The following DEF8 variants were observed in gnomAD, a reference collection of about 807,000 sequenced individuals.
DEF8 encodes the protein differentially expressed in FDCP 8 homolog.
Under a neutral mutation model 59.1 loss-of-function variants are expected in DEF8, and 38 were observed. The ratio of observed to expected loss-of-function variants is 0.64; its 90% confidence interval spans 0.50 to 0.84. The LOEUF (loss-of-function observed/expected upper bound fraction) is 0.84, where lower values mean the gene tolerates loss of function less well. Ranked by LOEUF, DEF8 falls within the 40% of genes least tolerant of loss-of-function variation. The pLI is 0.00. For missense variants in DEF8, 557 were observed against 615.2 expected (o/e 0.91, Z 1.00); for synonymous variants, 265 against 250.1 (o/e 1.06, Z -0.56).
At chr16:89,961,640 C>G in intron 7 of DEF8, 97 bp from the exon 8 acceptor site, 2 of 1,487,882 alleles carry the variant, frequency 1.3e-6, no homozygotes. Context: ...CATGTCTCCC[C>G]GAGGGCTGTG....
At chr16:89,956,046 C>T (rs1212475749) in intron 4 of DEF8, among the ~76,000 whole-genome samples, 1 of 151,940 alleles carries the variant, frequency 6.6e-6, no homozygotes, top group Non-Finnish European at 1.5e-5. Flanking sequence ...GCACTCCAGC[C>T]TGGGTGACAG....
At chr16:89,950,849 G>T (rs1157715038) in intron 2 of DEF8, among the ~76,000 whole-genome samples, 3 of 152,124 alleles carry the variant, frequency 2.0e-5, no homozygotes, top group African/African-American at 7.2e-5. Flanking sequence ...GAGTGTGGTG[G>T]CACACACTGG....
intron 5 of DEF8, 78 bp downstream of exon 5, chr16:89,957,738 C>T (rs1490666982): frequency 2.1e-6 from 3 of 1,433,174 alleles, no homozygotes; most frequent in African/African-American, 2.9e-5. Context: ...CCCTGCCAGC[C>T]TCTGGCTCTC....
intron 12 of DEF8, 55 bp from the exon 13 acceptor site, chr16:89,965,806 G>A: frequency 1.7e-6 from 2 of 1,205,910 alleles, no homozygotes; most frequent in Non-Finnish European, 2.4e-6. Flanking sequence ...ACGCTTGGGG[G>A]GATTCAGTGC....
Position 89,967,534 on chromosome 16 carries a change from G to A in DEF8, c.*1571G>A, listed in dbSNP as rs2034667435. The A allele has an allele frequency of 5.0e-6, 2 of 398,544 alleles. No homozygotes were observed. Among genetic ancestry groups the A allele is most frequent in the Non-Finnish European group, 8.8e-6 (2 of 226,076 alleles). The allele number at this position is 398,544 out of a possible 1,614,324, so 24.7% of individuals were successfully genotyped here. On this transcript the variant is annotated 3_prime_UTR_variant, in exon 13 of 13. Transcript: ENST00000563594. ...TACCTCAGGTGGAACGGTGAGCAGG[G>A]AACATGTCGGAGTCCTTCAGAGAAT...
Position 89,964,495 on chromosome 16 carries a change from G to A in DEF8, c.1173G>A (p.Glu391=), listed in dbSNP as rs746154667. 1.9e-6 allele frequency: 3 copies of A among 1,598,806 alleles called. No individual in the cohort carries two copies. Among genetic ancestry groups the A allele is most frequent in the Non-Finnish European group, 2.6e-6 (3 of 1,173,128 alleles). Residue 391 remains glutamate, a synonymous_variant, in exon 12 of 13, where the codon GAG becomes GAA. Transcript: ENST00000563594. ...GCCAGGCCAAGGGCTTCGTGTGTGA[G>A]CTCTGCAGAGAGGGCGACGTGCTGT... ...ERCQAKGFVC[E]LCREGDVLFP... is the part of the protein sequence containing the mutation.
rs750442807 is a variant in DEF8 at position 89,963,314 on chromosome 16, G to A, written c.922-49G>A. The A allele has an allele frequency of 1.9e-6, 3 of 1,557,670 alleles. No homozygotes were observed. In the South Asian group the frequency reaches 3.4e-5, roughly 18 times the overall value. Reference sequence around the variant, plus strand: ...CGGGTGTGCGGCCCACACAGGGGCCGCCCTGTGTCCTGGCTGAGGAGGCCT... The same window carrying A: ...CGGGTGTGCGGCCCACACAGGGGCCACCCTGTGTCCTGGCTGAGGAGGCCT... On this transcript the variant is annotated intron_variant, in intron 9 of 12. Transcript: ENST00000563594.
intron 2 of DEF8, chr16:89,950,111 C>T (rs969973485): frequency 5.1e-6 from 5 of 987,706 alleles, no homozygotes; most frequent in African/African-American, 1.7e-5. Flanking sequence ...CTGGGCAGAA[C>T]GGAGGTGTCC....
In DEF8 at chr16:89,961,043, G is replaced by T. The variant is rs2033959627; in HGVS notation, c.627G>T (p.Gly209=). 2 of 1,614,000 alleles carry T rather than the reference G, an allele frequency of 1.2e-6. No homozygotes were observed. The highest frequency in any genetic ancestry group is 2.2e-5 in the East Asian group (1 of 44,894). The change falls in exon 7 of 13, where the codon GGG becomes GGT. Residue 209 remains glycine, a synonymous_variant. Coordinates refer to ENST00000563594, the MANE Select transcript of DEF8 (RefSeq NM_001242818.2). ...AACTGAACATCTGCCCTGAGACAGG[G>T]CTGGACAGCCAGGATTACCGCTGTG... ...EYELNICPET[G]LDSQDYRCAE...
Position 89,949,257 on chromosome 16 carries a change from T to C in DEF8, c.-107-160T>C, listed in dbSNP as rs1435174885. Among the ~76,000 whole-genome samples, 5 of 150,684 alleles carry C rather than the reference T, an allele frequency of 3.3e-5. No individual in the cohort carries two copies. In the South Asian group the frequency reaches 1.1e-3, roughly 32 times the overall value. ...ACCCGGGCGGCTCAGGGGACCCGCG[T>C]GGCCGTGCCCCCGCCCTGGGCTGCT... On this transcript the variant is annotated intron_variant, in intron 1 of 12. Coordinates refer to ENST00000563594, the MANE Select transcript of DEF8 (RefSeq NM_001242818.2).
intron 11 of DEF8, 36 bp from the exon 12 acceptor site, chr16:89,964,430 C>T (rs376763001): frequency 1.6e-4 from 254 of 1,556,940 alleles, no homozygotes; most frequent in East Asian, 5.6e-4. Context: ...CTGGCACTGA[C>T]GTGCCCGTGC....
intron 1 of DEF8, 53 bp from the exon 2 acceptor site, chr16:89,949,364 C>T: frequency 1.4e-6 from 2 of 1,462,076 alleles, no homozygotes; most frequent in Admixed American, 2.1e-5. Flanking sequence ...GGGCGAGCTC[C>T]CGCGGGTGTG....
At position 89,957,876 on chromosome 16, in the gene DEF8, A is replaced by G. The variant is rs1408866281; in HGVS notation, c.372+216A>G. 4 of 485,198 alleles carry G rather than the reference A, an allele frequency of 8.2e-6. No individual in the cohort carries two copies. In the Admixed American group the frequency reaches 1.5e-4, roughly 19 times the overall value. 30.1% of individuals were successfully genotyped at this position (485,198 alleles called of 1,614,324 possible). A position where few individuals can be genotyped will look rare whatever the true frequency, so the allele number is the denominator to read the frequency against. ...TATTAGCCTAGACCCTCCTGTTGCA[A>G]GGAACAGAAACTCAACCCTGAGTAG... On this transcript the variant is annotated intron_variant, in intron 5 of 12. Coordinates refer to ENST00000563594, the MANE Select transcript of DEF8 (RefSeq NM_001242818.2).
At chr16:89,965,733 C>T (rs2034553996) in intron 12 of DEF8, 128 bp from the exon 13 acceptor site, 1 of 612,680 alleles carries the variant, frequency 1.6e-6, no homozygotes. Flanking sequence ...TTGCATCTGG[C>T]TGCAGACTCC....
At chr16:89,952,165 C>T (rs984730694) in intron 2 of DEF8, among the ~76,000 whole-genome samples, 3 of 152,240 alleles carry the variant, frequency 2.0e-5, no homozygotes, top group African/African-American at 4.8e-5. Context: ...GCGTGAGCCA[C>T]GGCGCCCAGC....
intron 6 of DEF8, 164 bp downstream of exon 6, chr16:89,959,319 A>G: frequency 6.8e-7 from 1 of 1,475,540 alleles, no homozygotes; most frequent in Non-Finnish European, 9.0e-7. Context: ...TGTACTGTCT[A>G]CATTGGACAG....
At chr16:89,961,660 A>G (rs2034040708) in intron 7 of DEF8, 77 bp from the exon 8 acceptor site, 2 of 1,573,032 alleles carry the variant, frequency 1.3e-6, no homozygotes, top group African/African-American at 1.3e-5. Context: ...GGTCCATGGG[A>G]GGACAGACCA....
rs749858482 is a variant in DEF8 at position 89,963,358 on chromosome 16, T to C, written c.922-5T>C. The C allele has an allele frequency of 1.2e-6, 2 of 1,613,148 alleles. No homozygotes were observed. Among genetic ancestry groups the C allele is most frequent in the East Asian group, 4.5e-5 (2 of 44,800 alleles). On this transcript the variant is annotated splice_region_variant and splice_polypyrimidine_tract_variant and intron_variant, in intron 9 of 12. Transcript: ENST00000563594. ...GAGGCCTGCCTGCTCCCGCCTTGTT[T>C]GCAGAAGCTGCGCCAGGACATCCTG...
intron 2 of DEF8, chr16:89,949,760 G>C: frequency 1.1e-6 from 1 of 947,152 alleles, no homozygotes; most frequent in Non-Finnish European, 1.5e-6. Flanking sequence ...TGAGAGCAGT[G>C]GGCTCTAGAG....
Sources: gnomAD v4.1 joint callset for allele counts (sites outside exome capture counted in the v4.1 genomes callset) on GRCh38, gnomAD v4.1.1 for gene constraint, MANE v1.5 for transcripts, NCBI Gene and HGNC (gene_info 2026-07-23, HGNC 2026-07-21) for gene names.